AKAP19: variants seen among roughly 807,000 people sequenced by gnomAD.
AKAP19 encodes the protein small A-kinase anchoring protein.
At chr2:189,949,033 AC>A in the AKAP19 span, among the ~76,000 whole-genome samples, 1 of 152,150 alleles carries the variant, frequency 6.6e-6, no homozygotes, top group Non-Finnish European at 1.5e-5. Flanking sequence ...GTAGGAAAAT[AC>A]AGTTGTCCCT....
the AKAP19 span, among the ~76,000 whole-genome samples, chr2:189,932,356 C>G: frequency 6.8e-6 from 1 of 148,124 alleles, no homozygotes; most frequent in Non-Finnish European, 1.5e-5. Context: ...TGCAGTGAGC[C>G]GAGATCGCAC....
the AKAP19 span, among the ~76,000 whole-genome samples, chr2:189,952,373 G>A: frequency 6.6e-6 from 1 of 152,094 alleles, no homozygotes. Flanking sequence ...ACTTCACACA[G>A]CTTGAGCTTC....
the AKAP19 span, chr2:190,199,789 T>A: frequency 6.4e-7 from 1 of 1,564,966 alleles, no homozygotes; most frequent in African/African-American, 1.4e-5. Context: ...CATGGACAAA[T>A]TTCATTGTTT....
At chr2:189,945,518 T>C in the AKAP19 span, among the ~76,000 whole-genome samples, 1 of 152,186 alleles carries the variant, frequency 6.6e-6, no homozygotes, top group Non-Finnish European at 1.5e-5. Context: ...GAATTCCTAT[T>C]CACAAAAACT....
the AKAP19 span, among the ~76,000 whole-genome samples, chr2:190,097,877 AAAAAGAAAAG>A: frequency 1.1e-4 from 16 of 147,776 alleles, no homozygotes; most frequent in Admixed American, 6.7e-5. Context: ...AAAAAAAAAA[AAAAAGAAAAG>A]AAAAGAAAAG....
At chr2:190,060,044 T>C in the AKAP19 span, 1 of 1,608,346 alleles carries the variant, frequency 6.2e-7, no homozygotes, top group Non-Finnish European at 8.5e-7. Context: ...TATAATGTTA[T>C]TTTCAGTTAT....
the AKAP19 span, among the ~76,000 whole-genome samples, chr2:190,041,506 T>C: frequency 6.6e-5 from 10 of 151,656 alleles, no homozygotes; most frequent in Non-Finnish European, 1.0e-4. Flanking sequence ...GAATACTCTT[T>C]GTTTCTTTCT....
the AKAP19 span, among the ~76,000 whole-genome samples, chr2:190,102,431 A>T: frequency 3.3e-5 from 5 of 152,244 alleles, no homozygotes; most frequent in East Asian, 3.9e-4. Flanking sequence ...AACAAAATCA[A>T]TAGACTGCTT....
the AKAP19 span, among the ~76,000 whole-genome samples, chr2:190,053,493 T>C: frequency 6.6e-6 from 1 of 152,184 alleles, no homozygotes; most frequent in South Asian, 2.1e-4. Context: ...TGAATGGTAC[T>C]AAATTTAGTA....
the AKAP19 span, among the ~76,000 whole-genome samples, chr2:190,187,351 A>T: frequency 6.6e-6 from 1 of 152,016 alleles, no homozygotes; most frequent in Non-Finnish European, 1.5e-5. Flanking sequence ...CCAGTGTTTA[A>T]GATGGACTTC....
the AKAP19 span, among the ~76,000 whole-genome samples, chr2:189,894,733 T>A: frequency 6.6e-6 from 1 of 151,192 alleles, no homozygotes; most frequent in Non-Finnish European, 1.5e-5. Context: ...TATCATTATG[T>A]TATATAAACA....
At chr2:189,933,065 T>C in the AKAP19 span, among the ~76,000 whole-genome samples, 1 of 152,210 alleles carries the variant, frequency 6.6e-6, no homozygotes, top group Non-Finnish European at 1.5e-5. Context: ...AATGTTTAAT[T>C]TGGGCAGATA....
the AKAP19 span, among the ~76,000 whole-genome samples, chr2:190,034,143 G>A: frequency 6.6e-6 from 1 of 151,720 alleles, no homozygotes; most frequent in Non-Finnish European, 1.5e-5. Context: ...ATTATGGTGT[G>A]TTTAACATGT....
the AKAP19 span, among the ~76,000 whole-genome samples, chr2:189,975,802 A>G: frequency 2.0e-4 from 30 of 152,194 alleles, no homozygotes; most frequent in African/African-American, 6.7e-4. Context: ...GCATTCGTCA[A>G]GTAGTTCTCG....
At chr2:190,103,212 T>G in the AKAP19 span, among the ~76,000 whole-genome samples, 1 of 152,146 alleles carries the variant, frequency 6.6e-6, no homozygotes, top group Non-Finnish European at 1.5e-5. Context: ...GAGCCATCTA[T>G]GACAAATGCA....
chr2:190,069,118 G>A, the AKAP19 span, among the ~76,000 whole-genome samples: 154 of 148,736 alleles, frequency 1.0e-3, 1 homozygote, highest in African/African-American at 3.7e-3. Context: ...CTCAAAAGGG[G>A]TGTGTGTGTG....
chr2:189,988,538 A>T, the AKAP19 span, among the ~76,000 whole-genome samples: 1 of 152,246 alleles, frequency 6.6e-6, no homozygotes, highest in Non-Finnish European at 1.5e-5. Flanking sequence ...TTGTTTCCTC[A>T]TATGAGAAGC....
chr2:190,021,871 A>C, the AKAP19 span, among the ~76,000 whole-genome samples: 2 of 152,218 alleles, frequency 1.3e-5, no homozygotes, highest in African/African-American at 4.8e-5. Context: ...TAGTTTATAA[A>C]AGAACAAAAT....
At chr2:190,043,024 A>G in the AKAP19 span, among the ~76,000 whole-genome samples, 1 of 152,118 alleles carries the variant, frequency 6.6e-6, no homozygotes, top group African/African-American at 2.4e-5. Context: ...TAGACCCCCA[A>G]TCTCATCTGG....
Sources: allele counts gnomAD v4.1 joint callset (sites outside exome capture counted in the v4.1 genomes callset), GRCh38; gene constraint gnomAD v4.1.1; transcripts MANE v1.5; gene names NCBI Gene and HGNC (gene_info 2026-07-23, HGNC 2026-07-21).